Variants in RNF152 observed in about 807,000 individuals in gnomAD.
RNF152 encodes the protein E3 ubiquitin-protein ligase RNF152.
A neutral mutation model predicts 12.7 loss-of-function variants in RNF152; 11 were observed. That is an observed-to-expected ratio of 0.86 (90% CI 0.54 to 1.43). The LOEUF (loss-of-function observed/expected upper bound fraction) is 1.43, where lower values mean the gene tolerates loss of function less well. Ranked by LOEUF, RNF152 falls within the 40% of genes most tolerant of loss-of-function variation. The pLI, the probability that RNF152 is intolerant of heterozygous loss-of-function variation, is 0.00. For synonymous variants in RNF152, 113 were observed against 120.3 expected (o/e 0.94, Z 0.40); for missense variants, 255 against 274.8 (o/e 0.93, Z 0.51).
At chr18:61,834,797 G>C (rs1475946801) in intron 1 of RNF152, among the ~76,000 whole-genome samples, 1 of 152,142 alleles carries the variant, frequency 6.6e-6, no homozygotes, top group African/African-American at 2.4e-5. Context: ...TCGCAGAATG[G>C]TAAGTTACTT....
chr18:61,831,505 C>G (rs1909943216), intron 1 of RNF152, among the ~76,000 whole-genome samples: 1 of 152,080 alleles, frequency 6.6e-6, no homozygotes, highest in African/African-American at 2.4e-5. Context: ...CTTATTATCT[C>G]CATAATAAGA....
chr18:61,871,591 T>C (rs1911999863), intron 1 of RNF152, among the ~76,000 whole-genome samples: 1 of 152,176 alleles, frequency 6.6e-6, no homozygotes, highest in Admixed American at 6.5e-5. Context: ...CACCATATCA[T>C]TAAGAAATGA....
intron 1 of RNF152, among the ~76,000 whole-genome samples, chr18:61,826,288 G>A (rs1223758422): frequency 1.3e-5 from 2 of 152,154 alleles, no homozygotes; most frequent in African/African-American, 4.8e-5. Context: ...TCTATTTCCA[G>A]GAGAGAAACA....
At chr18:61,842,094 C>G (rs1392219137) in intron 1 of RNF152, among the ~76,000 whole-genome samples, 1 of 152,216 alleles carries the variant, frequency 6.6e-6, no homozygotes, top group African/African-American at 2.4e-5. Context: ...CTAAATTCAG[C>G]TCTGAGTTTT....
chr18:61,880,928 T>C (rs1912437166), intron 1 of RNF152, among the ~76,000 whole-genome samples: 1 of 151,400 alleles, frequency 6.6e-6, no homozygotes, highest in South Asian at 2.1e-4. Context: ...TTTTTTTTTT[T>C]TTGAGACGGA....
chr18:61,887,119 G>A (rs12457066), intron 1 of RNF152, among the ~76,000 whole-genome samples: 6 of 152,172 alleles, frequency 3.9e-5, no homozygotes, highest in Admixed American at 1.3e-4. Flanking sequence ...AAAGTCAGGC[G>A]GAGCAAAAGT....
At chr18:61,877,691 A>G (rs1912273592) in intron 1 of RNF152, among the ~76,000 whole-genome samples, 1 of 152,238 alleles carries the variant, frequency 6.6e-6, no homozygotes, top group African/African-American at 2.4e-5. Context: ...CTGATAAAAT[A>G]CAGAAATTAC....
chr18:61,856,738 A>C (rs1911239860), intron 1 of RNF152, among the ~76,000 whole-genome samples: 1 of 152,048 alleles, frequency 6.6e-6, no homozygotes, highest in African/African-American at 2.4e-5. Flanking sequence ...AGAAAATGAA[A>C]AGTGGATTCA....
chr18:61,842,708 G>T (rs1274349477), intron 1 of RNF152, among the ~76,000 whole-genome samples: 1 of 152,198 alleles, frequency 6.6e-6, no homozygotes, highest in South Asian at 2.1e-4. Flanking sequence ...GTTCCACATG[G>T]CTGGGGAGGC....
Position 61,813,079 on chromosome 18 carries a change from GA to G in RNF152, c.*2772del, listed in dbSNP as rs1341200089. ...AGCTCTTTCTGTGCTTTCCAGTTGT[GA>G]CTTTTCATTAATGTGCAAGTATGAA... On this transcript the variant is annotated 3_prime_UTR_variant, in exon 2 of 2. Transcript: ENST00000312828. The G allele has an allele frequency of 6.6e-6, 1 of 152,108 alleles. No homozygotes were observed. The highest frequency in any genetic ancestry group is 1.5e-5 in the Non-Finnish European group (1 of 68,038). 9.4% of individuals were successfully genotyped at this position (152,108 alleles called of 1,614,324 possible).
chr18:61,876,508 T>C (rs1350141144), intron 1 of RNF152, among the ~76,000 whole-genome samples: 1 of 152,152 alleles, frequency 6.6e-6, no homozygotes, highest in African/African-American at 2.4e-5. Flanking sequence ...CATATACAGA[T>C]GTTAGTCGAA....
rs144777307 is a variant in RNF152, at chr18:61,824,391, G to A, written c.-135-7793C>T. Among the ~76,000 whole-genome samples the A allele has an allele frequency of 4.3e-4, 65 of 152,336 alleles. No individual in the cohort carries two copies. In the East Asian group the frequency reaches 5.0e-3, roughly 12 times the overall value. ...TGAAAACACTGCTGGGTTTCCAACC[G>A]CATGGCAGTACTGCCAGGCCACTTA... is the stretch of plus-strand genomic sequence containing the variant. On this transcript the variant is annotated intron_variant, in intron 1 of 1. Transcript: ENST00000312828.
intron 1 of RNF152, among the ~76,000 whole-genome samples, chr18:61,831,581 C>A (rs1444145911): frequency 2.0e-5 from 3 of 152,014 alleles, no homozygotes; most frequent in African/African-American, 7.2e-5. Context: ...ACTTTTATAT[C>A]CAAGACTACG....
rs547964892 is a variant in RNF152 at position 61,810,518 on chromosome 18, C to T, written c.*5334G>A. 6.6e-6 allele frequency: 1 copy of T among 152,346 alleles called. No homozygotes were observed. The highest frequency in any genetic ancestry group is 2.4e-5 in the African/African-American group (1 of 41,552). The allele number at this position is 152,346 out of a possible 1,614,324, so 9.4% of individuals were successfully genotyped here. On this transcript the variant is annotated 3_prime_UTR_variant, in exon 2 of 2. Transcript: ENST00000312828. ...ACAAAATTAGCTGGGCATGGAGGCG[C>T]ATGCCTATAATCCCAGCTACTCAGG...
intron 1 of RNF152, among the ~76,000 whole-genome samples, chr18:61,831,458 C>A (rs1450411195): frequency 1.3e-5 from 2 of 152,140 alleles, no homozygotes; most frequent in Non-Finnish European, 2.9e-5. Flanking sequence ...TATTCAATAA[C>A]GCCAGGATGA....
intron 1 of RNF152, among the ~76,000 whole-genome samples, chr18:61,863,598 C>T (rs1312590448): frequency 6.6e-6 from 1 of 152,136 alleles, no homozygotes; most frequent in Non-Finnish European, 1.5e-5. Flanking sequence ...AAAGCCAAGG[C>T]TTCAGCTTTT....
At chr18:61,866,122 C>T (rs761197105) in intron 1 of RNF152, among the ~76,000 whole-genome samples, 1 of 152,158 alleles carries the variant, frequency 6.6e-6, no homozygotes, top group Non-Finnish European at 1.5e-5. Context: ...ATTTGGAGGG[C>T]TGAGTGGCAC....
At chr18:61,873,033 T>C (rs1044245797) in intron 1 of RNF152, among the ~76,000 whole-genome samples, 1 of 152,222 alleles carries the variant, frequency 6.6e-6, no homozygotes, top group Non-Finnish European at 1.5e-5. Context: ...CTACAACATA[T>C]GAATGCTTCT....
intron 1 of RNF152, among the ~76,000 whole-genome samples, chr18:61,880,810 A>G (rs1320100055): frequency 6.6e-6 from 1 of 152,100 alleles, no homozygotes; most frequent in East Asian, 1.9e-4. Context: ...TTTGACTAAA[A>G]CTGAATTTTG....
Sources: gnomAD v4.1 joint callset for allele counts (sites outside exome capture counted in the v4.1 genomes callset) on GRCh38, gnomAD v4.1.1 for gene constraint, MANE v1.5 for transcripts, NCBI Gene and HGNC (gene_info 2026-07-23, HGNC 2026-07-21) for gene names.